The following RBMS3 variants were observed in gnomAD, a reference collection of about 807,000 sequenced individuals.
The protein encoded by RBMS3 is RNA binding motif single stranded interacting protein 3.
A neutral mutation model predicts 66.8 loss-of-function variants in RBMS3; 27 were observed. The observed-to-expected ratio is 0.40, with a 90% confidence interval of 0.30 to 0.56. RBMS3 has a LOEUF of 0.56. RBMS3 is among the 20% of genes least tolerant of loss of function. The probability of loss-of-function intolerance (pLI) is 0.40; values close to 1 mark genes in which losing one functional copy is unlikely to be tolerated. For missense variants in RBMS3, 513 were observed against 549.5 expected (o/e 0.93, Z 0.66); for synonymous variants, 188 against 183.0 (o/e 1.03, Z -0.22).
At position 29,991,458 on chromosome 3, in the gene RBMS3, T is replaced by C. The variant is rs1295285826; in HGVS notation, c.1307+249T>C. 4 of 480,652 alleles carry C rather than the reference T, an allele frequency of 8.3e-6. No homozygotes were observed. The Admixed American group carries it at 1.5e-4, about 18-fold the overall frequency. The allele number at this position is 480,652 out of a possible 1,614,324, so 29.8% of individuals were successfully genotyped here. On this transcript the variant is annotated intron_variant, in intron 14 of 14. Transcript: ENST00000383767. ...ATCTATGCATCTCTGCTTCTGGGTG[T>C]TGCTAGCTGTTGGATGTGTGATGGA...
chr3:29,472,689 C>T (rs2042777555), intron 2 of RBMS3, among the ~76,000 whole-genome samples: 1 of 151,824 alleles, frequency 6.6e-6, no homozygotes, highest in South Asian at 2.1e-4. Flanking sequence ...TGGAGTTGTT[C>T]GTTCCTCCCA....
At chr3:29,405,112 C>G (rs1227873951) in intron 1 of RBMS3, among the ~76,000 whole-genome samples, 1 of 152,024 alleles carries the variant, frequency 6.6e-6, no homozygotes, top group Non-Finnish European at 1.5e-5. Flanking sequence ...AGGACCCAAA[C>G]CCAAGTTTTC....
chr3:30,005,281 T>A lies in RBMS3; in HGVS notation c.*1419T>A, dbSNP rs142521713. On this transcript the variant is annotated 3_prime_UTR_variant, in exon 15 of 15. Coordinates refer to ENST00000383767, the MANE Select transcript of RBMS3 (RefSeq NM_001003793.3). Reference sequence around the variant, plus strand: ...TAGCAGAAGCTTGTACCTGCTGTGTTTAGCAGTTTCAGCATGAAGAGTTCT... The same window carrying A: ...TAGCAGAAGCTTGTACCTGCTGTGTATAGCAGTTTCAGCATGAAGAGTTCT... 6.6e-5 allele frequency: 10 copies of A among 151,854 alleles called. No individual in the cohort carries two copies. In the East Asian group the frequency reaches 1.9e-3, roughly 29 times the overall value. The allele number at this position is 151,854 out of a possible 1,614,324, so 9.4% of individuals were successfully genotyped here.
At chr3:29,608,791 T>C (rs913090707) in intron 4 of RBMS3, among the ~76,000 whole-genome samples, 19 of 152,166 alleles carry the variant, frequency 1.2e-4, no homozygotes, top group African/African-American at 4.3e-4. Context: ...AAATAGTCCC[T>C]GAGTGAATGC....
intron 1 of RBMS3, among the ~76,000 whole-genome samples, chr3:29,359,244 G>T (rs574442179): frequency 0.014 from 2,090 of 152,118 alleles, 58 homozygotes; most frequent in African/African-American, 0.048. Flanking sequence ...TTATTGAGAG[G>T]TTTTAGCATG....
At chr3:29,550,167 C>T (rs115377115) in intron 3 of RBMS3, among the ~76,000 whole-genome samples, 2,790 of 152,304 alleles carry the variant, frequency 0.018, 40 homozygotes, top group Non-Finnish European at 0.026. Flanking sequence ...ACAGCGTAGG[C>T]TTTGCAGCAG....
chr3:29,992,601 CA>C (rs528041487), intron 14 of RBMS3, among the ~76,000 whole-genome samples: 8 of 149,040 alleles, frequency 5.4e-5, no homozygotes, highest in Non-Finnish European at 7.4e-5. Context: ...GACTCCGTCT[CA>C]AAAAAAAAGA....
chr3:29,966,598 G>A (rs1696863752), intron 12 of RBMS3, among the ~76,000 whole-genome samples: 1 of 152,254 alleles, frequency 6.6e-6, no homozygotes, highest in African/African-American at 2.4e-5. Flanking sequence ...TTCTGGAGGA[G>A]TCCTTAGGGT....
intron 4 of RBMS3, among the ~76,000 whole-genome samples, chr3:29,662,599 T>TG (rs1211786681): frequency 3.3e-5 from 5 of 152,190 alleles, no homozygotes; most frequent in Admixed American, 3.3e-4. Flanking sequence ...AAACTGGGAT[T>TG]GAAAGTAAAT....
At chr3:29,989,810 AGCTTTCAAAAAGCACCTATGC>A (rs1329667553) in intron 13 of RBMS3, among the ~76,000 whole-genome samples, 1 of 152,180 alleles carries the variant, frequency 6.6e-6, no homozygotes, top group Non-Finnish European at 1.5e-5. Context: ...TGGTATATTT[AGCTTTCAAAAAGCACCTATGC>A]GATAAGAAAA....
Position 29,522,256 on chromosome 3 carries a change from G to T in RBMS3, c.307+33757G>T, listed in dbSNP as rs148241425. On this transcript the variant is annotated intron_variant, in intron 3 of 14. Coordinates refer to ENST00000383767, the MANE Select transcript of RBMS3 (RefSeq NM_001003793.3). Reference sequence around the variant, plus strand: ...CACTCAGGCTGGAGTGCAGTGCTGTGATCTCGGCTCACTGCAACCTCCACC... The same window carrying T: ...CACTCAGGCTGGAGTGCAGTGCTGTTATCTCGGCTCACTGCAACCTCCACC... Among the ~76,000 whole-genome samples, 1,083 of 152,168 alleles carry T rather than the reference G, an allele frequency of 7.1e-3. 9 individuals carry two copies. Among genetic ancestry groups the T allele is most frequent in the South Asian group, 0.036 (172 of 4,814 alleles).
intron 13 of RBMS3, among the ~76,000 whole-genome samples, chr3:29,990,299 T>C (rs137898952): frequency 1.2e-3 from 188 of 152,130 alleles, no homozygotes; most frequent in African/African-American, 4.4e-3. Flanking sequence ...ACTGCAGGTA[T>C]CCAGGACTAC....
chr3:29,557,661 A>G (rs1249793733), intron 3 of RBMS3, among the ~76,000 whole-genome samples: 1 of 152,224 alleles, frequency 6.6e-6, no homozygotes, highest in African/African-American at 2.4e-5. Flanking sequence ...TACAAATCTG[A>G]TTGGGATTTT....
intron 6 of RBMS3, chr3:29,765,667 G>A (rs568827177): frequency 4.6e-5 from 7 of 152,074 alleles, no homozygotes; most frequent in African/African-American, 1.7e-4. Flanking sequence ...GATGACCTGA[G>A]ATCCTCGGGT....
intron 4 of RBMS3, among the ~76,000 whole-genome samples, chr3:29,647,554 A>G (rs1002956070): frequency 2.0e-5 from 3 of 152,142 alleles, no homozygotes; most frequent in Middle Eastern, 3.2e-3. Flanking sequence ...CAGTGTGGAA[A>G]CAAATTCACA....
At chr3:29,883,509 C>T (rs1207270151) in intron 7 of RBMS3, among the ~76,000 whole-genome samples, 3 of 151,986 alleles carry the variant, frequency 2.0e-5, no homozygotes, top group Non-Finnish European at 4.4e-5. Flanking sequence ...AAACTATATC[C>T]AGTTATAGAG....
At chr3:29,987,452 A>C (rs1698466022) in intron 12 of RBMS3, among the ~76,000 whole-genome samples, 1 of 152,212 alleles carries the variant, frequency 6.6e-6, no homozygotes, top group African/African-American at 2.4e-5. Flanking sequence ...CAACTTAGCA[A>C]AAAATGATTT....
chr3:29,797,266 C>T (rs1213402682), intron 6 of RBMS3, among the ~76,000 whole-genome samples: 1 of 152,214 alleles, frequency 6.6e-6, no homozygotes, highest in African/African-American at 2.4e-5. Flanking sequence ...CTTCACTTTG[C>T]AGTTTTATGT....
At position 29,791,361 on chromosome 3, in the gene RBMS3, T is replaced by G. The variant is rs140630499; in HGVS notation, c.637+28372T>G. On this transcript the variant is annotated intron_variant, in intron 6 of 14. Transcript: ENST00000383767. Reference sequence around the variant, plus strand: ...AAGTAACTGACCAAAGATGTTGAAATGATGTTTAAAAGCCTCTTATCTATC... The same window carrying G: ...AAGTAACTGACCAAAGATGTTGAAAGGATGTTTAAAAGCCTCTTATCTATC... 5.9e-5 allele frequency among the ~76,000 whole-genome samples: 9 copies of G among 152,306 alleles called. No homozygotes were observed. In the East Asian group the frequency reaches 1.7e-3, roughly 29 times the overall value.
Sources: allele counts gnomAD v4.1 joint callset (sites outside exome capture counted in the v4.1 genomes callset), GRCh38; gene constraint gnomAD v4.1.1; transcripts MANE v1.5; gene names NCBI Gene and HGNC (gene_info 2026-07-23, HGNC 2026-07-21).